The following TRAK2 variants were observed in gnomAD, a reference collection of about 807,000 sequenced individuals.
The protein encoded by TRAK2 is trafficking kinesin-binding protein 2.
In TRAK2, 81 loss-of-function variants were observed where a neutral mutation model predicts 104.6. The ratio of observed to expected loss-of-function variants is 0.77; its 90% confidence interval spans 0.65 to 0.93. TRAK2 has a LOEUF of 0.93. Among genes scored for constraint, TRAK2 ranks in the 40% least tolerant of loss-of-function variants. TRAK2 has a pLI of 0.00. For missense variants in TRAK2, 1,002 were observed against 1,089.0 expected (o/e 0.92, Z 1.12); for synonymous variants, 406 against 394.4 (o/e 1.03, Z -0.35).
chr2:201,441,969 G>C (rs1451463522), intron 1 of TRAK2, among the ~76,000 whole-genome samples: 1 of 151,502 alleles, frequency 6.6e-6, no homozygotes, highest in East Asian at 2.0e-4. Flanking sequence ...TGGGATTACA[G>C]GTGTGAGCCA....
intron 2 of TRAK2, chr2:201,419,480 A>G (rs577130955): frequency 6.7e-6 from 1 of 149,652 alleles, no homozygotes; most frequent in Admixed American, 6.9e-5. Flanking sequence ...CAAAAGACAC[A>G]TTCAATTTAT....
intron 1 of TRAK2, among the ~76,000 whole-genome samples, chr2:201,433,914 A>C (rs961927886): frequency 6.6e-5 from 10 of 151,970 alleles, no homozygotes; most frequent in African/African-American, 2.4e-4. Flanking sequence ...TGTCAGCTGC[A>C]TGGGTACATC....
chr2:201,439,278 G>A (rs1951901047), intron 1 of TRAK2, among the ~76,000 whole-genome samples: 2 of 152,306 alleles, frequency 1.3e-5, no homozygotes, highest in East Asian at 3.9e-4. Flanking sequence ...TAAAGTAGGT[G>A]TACGTGCAGG....
At chr2:201,443,441 T>C (rs1951941075) in intron 1 of TRAK2, among the ~76,000 whole-genome samples, 1 of 152,226 alleles carries the variant, frequency 6.6e-6, no homozygotes, top group Admixed American at 6.5e-5. Context: ...CCTTGGTCTT[T>C]AAATGTTAGT....
intron 4 of TRAK2, 46 bp from the exon 5 acceptor site, chr2:201,399,539 T>C (rs192131078): frequency 2.1e-6 from 3 of 1,424,884 alleles, no homozygotes; most frequent in African/African-American, 2.8e-5. Context: ...TAAACAAGGT[T>C]AAATGGCAGT....
chr2:201,421,818 G>A (rs1485472150), intron 1 of TRAK2, among the ~76,000 whole-genome samples: 1 of 152,062 alleles, frequency 6.6e-6, no homozygotes, highest in Non-Finnish European at 1.5e-5. Context: ...GGAGGCTGAG[G>A]TGGGCCGATC....
At chr2:201,434,273 G>A (rs996590282) in intron 1 of TRAK2, among the ~76,000 whole-genome samples, 6 of 152,060 alleles carry the variant, frequency 3.9e-5, no homozygotes, top group Admixed American at 2.6e-4. Context: ...CATTCTTATC[G>A]TCCAATGATA....
intron 14 of TRAK2, among the ~76,000 whole-genome samples, chr2:201,384,757 C>T (rs1242524536): frequency 6.6e-6 from 1 of 152,080 alleles, no homozygotes; most frequent in Non-Finnish European, 1.5e-5. Flanking sequence ...TTTTAAAAAG[C>T]CATATTCACT....
intron 10 of TRAK2, among the ~76,000 whole-genome samples, chr2:201,390,175 C>T (rs1951432490): frequency 1.3e-5 from 2 of 152,056 alleles, no homozygotes; most frequent in South Asian, 4.1e-4. Flanking sequence ...GACAGTGATG[C>T]TGTGGAGGGT....
chr2:201,406,377 ACAC>A (rs1951594774), intron 3 of TRAK2, among the ~76,000 whole-genome samples: 1 of 152,220 alleles, frequency 6.6e-6, no homozygotes, highest in East Asian at 1.9e-4. Flanking sequence ...TGGCATTAAA[ACAC>A]CACAACACTC....
chr2:201,423,037 C>CCACACA (rs142826543), intron 1 of TRAK2, among the ~76,000 whole-genome samples: 16,313 of 134,064 alleles, frequency 0.12, 1,218 homozygotes, highest in Non-Finnish European at 0.16. Flanking sequence ...AACACCACCA[C>CCACACA]CACACACACA....
chr2:201,394,949 G>A, intron 8 of TRAK2, 77 bp from the exon 9 acceptor site: 1 of 1,261,658 alleles, frequency 7.9e-7, no homozygotes, highest in Non-Finnish European at 1.1e-6. Flanking sequence ...AAAGACATGT[G>A]AAGAATTTCT....
chr2:201,441,841 T>G (rs891096292), intron 1 of TRAK2, among the ~76,000 whole-genome samples: 1 of 151,348 alleles, frequency 6.6e-6, no homozygotes, highest in Non-Finnish European at 1.5e-5. Context: ...ACAGGTGTGC[T>G]CCACCACGCC....
At chr2:201,403,739 C>T (rs1198856068) in intron 3 of TRAK2, among the ~76,000 whole-genome samples, 1 of 148,440 alleles carries the variant, frequency 6.7e-6, no homozygotes, top group Non-Finnish European at 1.5e-5. Flanking sequence ...ATGTTATTTT[C>T]CAAACAGAAA....
chr2:201,442,759 G>A (rs1029307359), intron 1 of TRAK2, among the ~76,000 whole-genome samples: 1 of 151,818 alleles, frequency 6.6e-6, no homozygotes, highest in African/African-American at 2.4e-5. Context: ...GCTAGCTTTC[G>A]CTCCAAACTG....
intron 1 of TRAK2, among the ~76,000 whole-genome samples, chr2:201,433,219 C>A (rs1431830606): frequency 6.6e-6 from 1 of 152,142 alleles, no homozygotes; most frequent in Non-Finnish European, 1.5e-5. Flanking sequence ...CAAAACCCAG[C>A]CTGGACAGTA....
chr2:201,410,532 A>C, intron 2 of TRAK2: 1 of 1,091,370 alleles, frequency 9.2e-7, no homozygotes, highest in South Asian at 1.4e-5. Flanking sequence ...ATAATCCTTC[A>C]AAATAGACAC....
chr2:201,391,986 A>C (rs1951452213), intron 10 of TRAK2, among the ~76,000 whole-genome samples: 1 of 152,216 alleles, frequency 6.6e-6, no homozygotes, highest in Admixed American at 6.5e-5. Context: ...CATAAACATC[A>C]ACTTCCTGAT....
chr2:201,418,088 G>A (rs1244691629), intron 2 of TRAK2, among the ~76,000 whole-genome samples: 2 of 152,188 alleles, frequency 1.3e-5, no homozygotes, highest in Admixed American at 6.5e-5. Flanking sequence ...TATGGATTAG[G>A]AGACTCACTA....
Sources: gnomAD v4.1 joint callset for allele counts (sites outside exome capture counted in the v4.1 genomes callset) on GRCh38, gnomAD v4.1.1 for gene constraint, MANE v1.5 for transcripts, NCBI Gene and HGNC (gene_info 2026-07-23, HGNC 2026-07-21) for gene names.